ZNF254: variants seen among roughly 807,000 people sequenced by gnomAD.
ZNF254 encodes the protein CTD-2017D11.1.
In ZNF254, 10 loss-of-function variants were observed where a neutral mutation model predicts 12.4. The observed-to-expected ratio is 0.80, with a 90% CI of 0.50 to 1.36. ZNF254 has a LOEUF of 1.36. Among genes scored for constraint, ZNF254 ranks in the 40% most tolerant of loss-of-function variants. The probability of loss-of-function intolerance (pLI) is 0.00; values close to 1 mark genes in which losing one functional copy is unlikely to be tolerated. For synonymous variants in ZNF254, 305 were observed against 253.4 expected (o/e 1.20, Z -1.93); for missense variants, 996 against 763.9 (o/e 1.30, Z -3.58).
At chr19:24,037,732 C>A in intron 1 of ZNF254, among the ~76,000 whole-genome samples, 1 of 152,214 alleles carries the variant, frequency 6.6e-6, no homozygotes, top group East Asian at 1.9e-4. Context: ...GCCTTAACCT[C>A]CTGAGTAGCT....
chr19:24,063,946 A>G (rs1353199523), intron 2 of ZNF254: 2 of 152,096 alleles, frequency 1.3e-5, no homozygotes, highest in African/African-American at 4.8e-5. Context: ...GCTGAGGTAA[A>G]TGCCCGTTTT....
At chr19:24,059,478 G>A (rs1163313332) in intron 2 of ZNF254, among the ~76,000 whole-genome samples, 4 of 152,076 alleles carry the variant, frequency 2.6e-5, no homozygotes, top group Non-Finnish European at 4.4e-5. Flanking sequence ...TTTCACAGGG[G>A]GCATTGTGAC....
chr19:24,106,348 G>T (rs894297387), intron 2 of ZNF254, 200 bp from the exon 3 acceptor site: 4 of 517,162 alleles, frequency 7.7e-6, no homozygotes, highest in African/African-American at 6.1e-5. Flanking sequence ...ACCAATTTTT[G>T]ATTCAGTAGT....
intron 2 of ZNF254, among the ~76,000 whole-genome samples, chr19:24,073,031 GT>G (rs1298685771): frequency 1.3e-5 from 2 of 152,166 alleles, no homozygotes; most frequent in African/African-American, 4.8e-5. Context: ...GGAGAAATGG[GT>G]AAATTCCTGG....
rs1240898525 is a variant in ZNF254, at chr19:24,062,098, AAAAAG to A, written c.-94+15824_-94+15828del. Among the ~76,000 whole-genome samples the A allele has an allele frequency of 3.5e-3, 468 of 132,606 alleles. 5 individuals carry two copies. The highest frequency in any genetic ancestry group is 0.014 in the African/African-American group (422 of 29,808). 87.0% of individuals were successfully genotyped at this position (132,606 alleles called of 152,430 possible). A position where few individuals can be genotyped will look rare whatever the true frequency, so the allele number is the denominator to read the frequency against. On this transcript the variant is annotated intron_variant, in intron 2 of 4. Coordinates refer to the ZNF254 transcript ENST00000613065. Reference sequence around the variant, plus strand: ...GAAACTCTGTCTCACAAAAAAAAAAAAAAAGAAAAAGAAAAAGGAGTAAAATCCTG... The same window carrying A: ...GAAACTCTGTCTCACAAAAAAAAAAAAAAAAGAAAAAGGAGTAAAATCCTG...
chr19:24,093,564 A>G (rs190921572), intron 1 of ZNF254, among the ~76,000 whole-genome samples: 16 of 152,162 alleles, frequency 1.1e-4, no homozygotes, highest in East Asian at 7.7e-4. Flanking sequence ...CCACATTTCT[A>G]TTGTCACCTT....
At chr19:24,052,804 T>G (rs550730818) in intron 2 of ZNF254, among the ~76,000 whole-genome samples, 1 of 152,304 alleles carries the variant, frequency 6.6e-6, no homozygotes, top group East Asian at 1.9e-4. Flanking sequence ...GATACATATC[T>G]TATCCAAACT....
intron 2 of ZNF254, among the ~76,000 whole-genome samples, chr19:24,051,144 C>T (rs1011341197): frequency 2.0e-5 from 3 of 151,964 alleles, no homozygotes; most frequent in South Asian, 2.1e-4. Context: ...TCTCTGAGAC[C>T]GTTAATTAGG....
chr19:24,053,843 C>T (rs62114771), intron 2 of ZNF254, among the ~76,000 whole-genome samples: 24,064 of 151,906 alleles, frequency 0.16, 2,080 homozygotes, highest in Middle Eastern at 0.23. Context: ...TGCGGCATAT[C>T]ACTGGACCCA....
chr19:24,108,642 T>C (rs187701106), intron 3 of ZNF254, among the ~76,000 whole-genome samples: 217 of 152,270 alleles, frequency 1.4e-3, no homozygotes, highest in African/African-American at 4.7e-3. Flanking sequence ...CATAAAGGCA[T>C]TTTTGTCAGC....
At position 24,126,949 on chromosome 19, in the gene ZNF254, A is replaced by G. The variant is rs192706750; in HGVS notation, c.949A>G (p.Thr317Ala). 3 of 1,613,470 alleles carry G rather than the reference A, an allele frequency of 1.9e-6. 1 individual carries two copies. The highest frequency in any genetic ancestry group is 2.5e-6 in the Non-Finnish European group (3 of 1,179,730). ...CCTTACTGAGCATAAGAAAATTCATACTAGAAAGAAACCCTACAAGTGTGA... is the reference window on the plus strand; with the variant it reads ...CCTTACTGAGCATAAGAAAATTCATGCTAGAAAGAAACCCTACAAGTGTGA... ...STLTEHKKIH[T>A]RKKPYKCEEC... is the part of the protein sequence containing the mutation. The change falls in exon 4 of 4, where the codon ACT becomes GCT. Residue 317 changes from threonine (T) to alanine (A), a missense_variant. Physicochemically the swap from Thr to Ala is moderately conservative, Grantham distance 58. Transcript: ENST00000357002.
At chr19:24,117,550 G>A (rs1046035541) in intron 3 of ZNF254, among the ~76,000 whole-genome samples, 3 of 152,156 alleles carry the variant, frequency 2.0e-5, no homozygotes, top group African/African-American at 7.2e-5. Context: ...CGTCGGAAAA[G>A]CGCAGTATTA....
chr19:24,042,818 T>G (rs1970229340), intron 1 of ZNF254, among the ~76,000 whole-genome samples: 1 of 152,242 alleles, frequency 6.6e-6, no homozygotes, highest in Non-Finnish European at 1.5e-5. Context: ...CATTGGCCTC[T>G]GGATCCAATT....
intron 2 of ZNF254, among the ~76,000 whole-genome samples, chr19:24,061,170 T>A (rs1372055579): frequency 6.6e-6 from 1 of 151,142 alleles, no homozygotes; most frequent in Non-Finnish European, 1.5e-5. Context: ...AACACATGGG[T>A]GATTCAACTC....
intron 3 of ZNF254, among the ~76,000 whole-genome samples, chr19:24,116,104 C>G (rs924123458): frequency 1.3e-5 from 2 of 152,176 alleles, no homozygotes; most frequent in African/African-American, 4.8e-5. Context: ...GGTAGTCCGA[C>G]CTTTCTCTCT....
intron 1 of ZNF254, among the ~76,000 whole-genome samples, chr19:24,102,249 T>C (rs1420749273): frequency 1.3e-5 from 2 of 151,138 alleles, no homozygotes; most frequent in African/African-American, 4.9e-5. Context: ...TTTTTTGCCT[T>C]GCTAAGTAAA....
rs1008968056 is a variant in ZNF254 at position 24,106,478 on chromosome 19, C to G, written c.158-70C>G. On this transcript the variant is annotated intron_variant, in intron 2 of 3. Transcript: ENST00000357002. ...AGCATATTCTATTATATCCTCCTTA[C>G]TGAGCACATTACTAAGTTGGTAATT... is the stretch of plus-strand genomic sequence containing the variant. The G allele has an allele frequency of 6.3e-5, 79 of 1,247,082 alleles. No homozygotes were observed. The South Asian group carries it at 8.4e-4, about 13-fold the overall frequency. 77.3% of individuals were successfully genotyped at this position (1,247,082 alleles called of 1,614,324 possible). A position where few individuals can be genotyped will look rare whatever the true frequency, so the allele number is the denominator to read the frequency against.
chr19:24,078,239 T>C (rs1159533255), intron 2 of ZNF254, among the ~76,000 whole-genome samples: 3 of 152,186 alleles, frequency 2.0e-5, no homozygotes, highest in African/African-American at 7.2e-5. Context: ...GGTTTCACCA[T>C]GTTGGCCAGG....
intron 1 of ZNF254, chr19:24,033,625 A>G: frequency 2.4e-6 from 1 of 412,164 alleles, no homozygotes; most frequent in Non-Finnish European, 4.8e-6. Flanking sequence ...GGAAAGGGTG[A>G]GTGTGCGGGG....
Sources: gnomAD v4.1 joint callset for allele counts (sites outside exome capture counted in the v4.1 genomes callset) on GRCh38, gnomAD v4.1.1 for gene constraint, MANE v1.5 for transcripts, NCBI Gene and HGNC (gene_info 2026-07-23, HGNC 2026-07-21) for gene names.